Variants in CTDSP2 observed in about 807,000 individuals in gnomAD.
CTDSP2 encodes CTD small phosphatase 2.
In CTDSP2, 9 loss-of-function variants were observed where a neutral mutation model predicts 31.6. That is an observed-to-expected ratio of 0.28 (90% confidence interval 0.17 to 0.50). The LOEUF (loss-of-function observed/expected upper bound fraction) is 0.50, where lower values mean the gene tolerates loss of function less well. CTDSP2 is among the 20% of genes least tolerant of loss of function. CTDSP2 has a pLI of 0.98. For synonymous variants in CTDSP2, 134 were observed against 134.5 expected, an observed-to-expected ratio of 1.00 and a Z score of 0.03; for missense variants, 267 against 348.5, an observed-to-expected ratio of 0.77 and a Z score of 1.86.
rs551347961 is a variant in CTDSP2, at chr12:57,827,390, T to G, written c.252+162A>C. On this transcript the variant is annotated intron_variant, in intron 3 of 7. Transcript: ENST00000398073. The stretch of plus-strand genomic sequence containing the variant: ...AGCTGTCCCCTAAAATCTAATGCCT[T>G]GCACATAGCAGGCCCTCAACAAGTA... 10 of 746,800 alleles carry G rather than the reference T, an allele frequency of 1.3e-5. No homozygotes were observed. The African/African-American group carries it at 1.7e-4, about 13-fold the overall frequency. The allele number at this position is 746,800 out of a possible 1,614,324, so 46.3% of individuals were successfully genotyped here.
chr12:57,843,528 A>T (rs1379535336), intron 1 of CTDSP2, among the ~76,000 whole-genome samples: 2 of 151,932 alleles, frequency 1.3e-5, no homozygotes, highest in African/African-American at 2.4e-5. Context: ...ACAGAATGCT[A>T]AAAAAAGAAA....
intron 3 of CTDSP2, chr12:57,827,300 T>C: frequency 1.6e-6 from 1 of 626,748 alleles, no homozygotes; most frequent in South Asian, 1.9e-5. Context: ...GATCTGGACA[T>C]TGGAGGTGGT....
At chr12:57,841,099 T>G (rs138164344) in intron 1 of CTDSP2, among the ~76,000 whole-genome samples, 1 of 152,252 alleles carries the variant, frequency 6.6e-6, no homozygotes, top group Non-Finnish European at 1.5e-5. Context: ...TGTGCTCATC[T>G]GCATCCCAGT....
chr12:57,835,088 A>C (rs1956239147), intron 1 of CTDSP2, among the ~76,000 whole-genome samples: 1 of 149,300 alleles, frequency 6.7e-6, no homozygotes, highest in Non-Finnish European at 1.5e-5. Flanking sequence ...ATGCCATTGC[A>C]CTCCAGCCTG....
intron 3 of CTDSP2, chr12:57,827,299 A>G: frequency 1.6e-6 from 1 of 627,404 alleles, no homozygotes. Flanking sequence ...TGATCTGGAC[A>G]TTGGAGGTGG....
intron 1 of CTDSP2, among the ~76,000 whole-genome samples, chr12:57,839,484 C>T (rs1420837442): frequency 1.3e-5 from 2 of 152,144 alleles, no homozygotes; most frequent in Admixed American, 6.5e-5. Context: ...TTTGGGAGGC[C>T]AAGGCGGGCG....
At chr12:57,823,775 C>G (rs760237373) in intron 7 of CTDSP2, 48 bp from the exon 8 acceptor site, 10 of 1,612,158 alleles carry the variant, frequency 6.2e-6, no homozygotes, top group Non-Finnish European at 1.7e-6. Context: ...CTGCTTCCCC[C>G]TCCCTCGCCC....
rs79405560 is a variant in CTDSP2, at chr12:57,823,402, C to T, written c.*200G>A. ...TCAAACACACATCTCAACAAGTTGG[C>T]GGCAGGTAGCTCTGGGTATCATTGG... On this transcript the variant is annotated 3_prime_UTR_variant, in exon 8 of 8. Coordinates refer to ENST00000398073, the MANE Select transcript of CTDSP2 (RefSeq NM_005730.4). 3.9e-4 allele frequency: 235 copies of T among 602,472 alleles called. 2 individuals carry two copies. In the East Asian group the frequency reaches 6.5e-3, roughly 17 times the overall value. 37.3% of individuals were successfully genotyped at this position (602,472 alleles called of 1,614,324 possible). A position where few individuals can be genotyped will look rare whatever the true frequency, so the allele number is the denominator to read the frequency against.
At chr12:57,837,548 G>C (rs1223080960) in intron 1 of CTDSP2, among the ~76,000 whole-genome samples, 1 of 152,032 alleles carries the variant, frequency 6.6e-6, no homozygotes, top group Non-Finnish European at 1.5e-5. Flanking sequence ...AAAATTAGCA[G>C]GGTATGGTAG....
intron 1 of CTDSP2, among the ~76,000 whole-genome samples, chr12:57,843,654 T>C (rs1198366847): frequency 6.6e-6 from 1 of 152,156 alleles, no homozygotes; most frequent in African/African-American, 2.4e-5. Context: ...CTTCTTCCCC[T>C]TTTTCCAAAG....
rs1203719482 is a variant in CTDSP2 at position 57,827,590 on chromosome 12, A to G, written c.214T>C (p.Ser72Pro). The change falls in exon 3 of 8, where the codon TCG becomes CCG. Residue 72 changes from serine (S) to proline (P), a missense_variant and splice_region_variant. Ser to Pro is a moderately conservative substitution (Grantham distance 74). Coordinates refer to ENST00000398073, the MANE Select transcript of CTDSP2 (RefSeq NM_005730.4). Reference sequence around the variant, plus strand: ...TACTGGAGACACTGGAGCAGATCCGACTGAGGAAGAGAAGGAGGTGGTCAG... The same window carrying G: ...TACTGGAGACACTGGAGCAGATCCGGCTGAGGAAGAGAAGGAGGTGGTCAG... ...YKEEANTIAKSDLLQCLQYQF... is the reference protein window; with the variant it reads ...YKEEANTIAKPDLLQCLQYQF... The G allele has an allele frequency of 2.5e-6, 4 of 1,613,878 alleles. No homozygotes were observed. Among genetic ancestry groups the G allele is most frequent in the Non-Finnish European group, 3.4e-6 (4 of 1,179,954 alleles).
At chr12:57,837,203 T>C (rs952862040) in intron 1 of CTDSP2, 2 of 152,266 alleles carry the variant, frequency 1.3e-5, no homozygotes, top group Admixed American at 1.3e-4. Flanking sequence ...GAAGAGCTCC[T>C]GGGACCAGCA....
chr12:57,846,704 T>C lies in CTDSP2; in HGVS notation c.-269A>G, dbSNP rs1476575264. ...CGGGCTCCTCAGTTTGGGTCCAACATGGAGAATCCGGAGCGAAAACAAGAG... is the reference window on the plus strand; with the variant it reads ...CGGGCTCCTCAGTTTGGGTCCAACACGGAGAATCCGGAGCGAAAACAAGAG... On this transcript the variant is annotated 5_prime_UTR_variant, in exon 1 of 8. The change abolishes an upstream ATG in the 5' untranslated region. Coordinates refer to ENST00000398073, the MANE Select transcript of CTDSP2 (RefSeq NM_005730.4). 4 of 370,910 alleles carry C rather than the reference T, an allele frequency of 1.1e-5. No individual in the cohort carries two copies. The highest frequency in any genetic ancestry group is 1.9e-5 in the Non-Finnish European group (4 of 209,122). 23.0% of individuals were successfully genotyped at this position (370,910 alleles called of 1,614,324 possible).
intron 1 of CTDSP2, among the ~76,000 whole-genome samples, chr12:57,844,276 T>C (rs1956300000): frequency 6.6e-6 from 1 of 152,100 alleles, no homozygotes; most frequent in Non-Finnish European, 1.5e-5. Context: ...GGAGAAACAT[T>C]AACTCCAAGA....
intron 1 of CTDSP2, chr12:57,842,413 A>C (rs887169992): frequency 2.0e-5 from 3 of 152,202 alleles, no homozygotes; most frequent in African/African-American, 7.2e-5. Flanking sequence ...ACGGTTGAGA[A>C]GAGAGGACAA....
intron 2 of CTDSP2, 28 bp downstream of exon 2, chr12:57,829,420 T>TG: frequency 1.2e-6 from 2 of 1,607,912 alleles, no homozygotes; most frequent in Non-Finnish European, 1.7e-6. Flanking sequence ...CCTTCATTGC[T>TG]GGCATCTTAC....
chr12:57,846,510 CTGGG>C lies in CTDSP2; in HGVS notation c.-79_-76del. Reference sequence around the variant, plus strand: ...CGCGGGCTGGGCTGGGCTGGGGGGCCTGGGCGGGGGCCCGCTCCGGCTCCCGAGA... The same window carrying C: ...CGCGGGCTGGGCTGGGCTGGGGGGCCCGGGGGCCCGCTCCGGCTCCCGAGA... On this transcript the variant is annotated 5_prime_UTR_variant, in exon 1 of 8. Coordinates refer to ENST00000398073, the MANE Select transcript of CTDSP2 (RefSeq NM_005730.4). 7.8e-7 allele frequency: 1 copy of C among 1,277,510 alleles called. No individual in the cohort carries two copies. The highest frequency in any genetic ancestry group is 1.0e-6 in the Non-Finnish European group (1 of 961,788). The allele number at this position is 1,277,510 out of a possible 1,614,324, so 79.1% of individuals were successfully genotyped here. A position where few individuals can be genotyped will look rare whatever the true frequency, so the allele number is the denominator to read the frequency against.
At position 57,832,662 on chromosome 12, in the gene CTDSP2, C is replaced by T. The variant is rs1280446715; in HGVS notation, c.65-3066G>A. ...CAAAAAGTAGCCGGGCGTAGTGGCA[C>T]ACACCTGTAGTCCCAGCTACCTGGG... is the stretch of plus-strand genomic sequence containing the variant. On this transcript the variant is annotated intron_variant, in intron 1 of 7. Coordinates refer to ENST00000398073, the MANE Select transcript of CTDSP2 (RefSeq NM_005730.4). 2.0e-5 allele frequency among the ~76,000 whole-genome samples: 3 copies of T among 151,616 alleles called. No individual in the cohort carries two copies. The East Asian group carries it at 5.8e-4, about 29-fold the overall frequency.
intron 7 of CTDSP2, 84 bp downstream of exon 7, chr12:57,823,820 G>A (rs745750145): frequency 1.1e-5 from 17 of 1,608,444 alleles, no homozygotes; most frequent in Non-Finnish European, 1.4e-5. Flanking sequence ...CTTCCTGGAG[G>A]GGTGTACTTC....
Sources: allele counts gnomAD v4.1 joint callset (sites outside exome capture counted in the v4.1 genomes callset), GRCh38; gene constraint gnomAD v4.1.1; transcripts MANE v1.5; gene names NCBI Gene and HGNC (gene_info 2026-07-23, HGNC 2026-07-21).